The following XKR4 variants were observed in gnomAD, a reference collection of about 807,000 sequenced individuals.
The protein encoded by XKR4 is XK-related protein 4.
XKR4 carries 12 observed loss-of-function variants against 53.9 expected under a neutral mutation model. That is an observed-to-expected ratio of 0.22 (90% confidence interval 0.14 to 0.36). XKR4 has a LOEUF of 0.36. Among genes scored for constraint, XKR4 ranks in the 10% least tolerant of loss-of-function variants. The pLI is 1.00. For synonymous variants in XKR4, 354 were observed against 362.4 expected, an observed-to-expected ratio of 0.98 and a Z score of 0.26; for missense variants, 799 against 859.5, an observed-to-expected ratio of 0.93 and a Z score of 0.88.
intron 1 of XKR4, among the ~76,000 whole-genome samples, chr8:55,225,271 T>G (rs1254577004): frequency 6.6e-6 from 1 of 152,260 alleles, no homozygotes; most frequent in African/African-American, 2.4e-5. Context: ...TTTTAAAAGA[T>G]GATGACTAAC....
At chr8:55,501,194 C>T (rs1271804818) in intron 2 of XKR4, among the ~76,000 whole-genome samples, 2 of 152,128 alleles carry the variant, frequency 1.3e-5, no homozygotes, top group South Asian at 2.1e-4. Context: ...TAGTACTCAG[C>T]GACAGTGTAC....
At chr8:55,153,906 G>T (rs1462752084) in intron 1 of XKR4, among the ~76,000 whole-genome samples, 2 of 152,224 alleles carry the variant, frequency 1.3e-5, no homozygotes, top group Non-Finnish European at 2.9e-5. Context: ...CAAAGATAGA[G>T]GGGAATTGAT....
At chr8:55,273,643 C>A (rs1484820888) in intron 1 of XKR4, among the ~76,000 whole-genome samples, 3 of 152,170 alleles carry the variant, frequency 2.0e-5, no homozygotes, top group Non-Finnish European at 4.4e-5. Flanking sequence ...CTTGTGGCCC[C>A]CACCCTGGAA....
Position 55,465,331 on chromosome 8 carries a change from G to A in XKR4, c.1007-57950G>A, listed in dbSNP as rs148891973. On this transcript the variant is annotated intron_variant, in intron 2 of 2. Coordinates refer to ENST00000327381, the MANE Select transcript of XKR4 (RefSeq NM_052898.2). ...ATAACAGAGTCCCAGAAATAATGCC[G>A]CATATCTACAACCATCTGATCTTTG... 7.7e-3 allele frequency among the ~76,000 whole-genome samples: 1,176 copies of A among 152,032 alleles called. 9 individuals are homozygous for A. The highest frequency in any genetic ancestry group is 0.011 in the Non-Finnish European group (778 of 67,988).
intron 1 of XKR4, among the ~76,000 whole-genome samples, chr8:55,276,108 T>C (rs755447661): frequency 4.0e-5 from 6 of 151,822 alleles, no homozygotes; most frequent in Non-Finnish European, 8.8e-5. Flanking sequence ...CTAGAGAGAC[T>C]GAAATCGTTA....
chr8:55,247,488 T>A (rs781496926), intron 1 of XKR4, among the ~76,000 whole-genome samples: 6 of 152,306 alleles, frequency 3.9e-5, no homozygotes, highest in Middle Eastern at 6.8e-3. Context: ...AATTTACCAA[T>A]AAAGAAACTG....
Position 55,449,899 on chromosome 8 carries a change from C to A in XKR4, c.1007-73382C>A, listed in dbSNP as rs1805406282. ...GCTGGTGCTGCCGCAGGCAGCCTGG[C>A]GGGAGCCAGATGCGGTCGAGCCTCT... On this transcript the variant is annotated intron_variant, in intron 2 of 2. Coordinates refer to ENST00000327381, the MANE Select transcript of XKR4 (RefSeq NM_052898.2). 48 of 893,020 alleles carry A rather than the reference C, an allele frequency of 5.4e-5. No individual in the cohort carries two copies. The South Asian group carries it at 6.0e-4, about 11-fold the overall frequency. The allele number at this position is 893,020 out of a possible 1,614,324, so 55.3% of individuals were successfully genotyped here.
Position 55,529,552 on chromosome 8 carries a change from G to A in XKR4, c.*5325G>A, listed in dbSNP as rs1378796151. 6.6e-6 allele frequency: 1 copy of A among 152,154 alleles called. No individual in the cohort carries two copies. Among genetic ancestry groups the A allele is most frequent in the Non-Finnish European group, 1.5e-5 (1 of 68,030 alleles). 9.4% of individuals were successfully genotyped at this position (152,154 alleles called of 1,614,324 possible). ...TTTCATTTAGTCCTCACTGCCATCTGTGAGTTAAGCATCATTTACAGATGA... is the reference window on the plus strand; with the variant it reads ...TTTCATTTAGTCCTCACTGCCATCTATGAGTTAAGCATCATTTACAGATGA... On this transcript the variant is annotated 3_prime_UTR_variant, in exon 3 of 3. Transcript: ENST00000327381.
intron 2 of XKR4, among the ~76,000 whole-genome samples, chr8:55,399,615 C>T (rs571902400): frequency 2.0e-5 from 3 of 152,332 alleles, no homozygotes; most frequent in East Asian, 3.9e-4. Flanking sequence ...AGACAGGAAT[C>T]CAAGTCTGTA....
intron 2 of XKR4, among the ~76,000 whole-genome samples, chr8:55,463,770 G>A (rs1015014582): frequency 8.9e-4 from 135 of 151,900 alleles, no homozygotes; most frequent in African/African-American, 2.8e-3. Context: ...TCAAATAGAC[G>A]CAATAAAAAA....
chr8:55,486,708 T>C (rs2129401734), intron 2 of XKR4, among the ~76,000 whole-genome samples: 1 of 152,356 alleles, frequency 6.6e-6, no homozygotes, highest in Non-Finnish European at 1.5e-5. Context: ...ACAAATTTTG[T>C]AGGTATATGC....
intron 1 of XKR4, among the ~76,000 whole-genome samples, chr8:55,188,725 C>A (rs1300702960): frequency 6.6e-6 from 1 of 152,118 alleles, no homozygotes; most frequent in Admixed American, 6.6e-5. Flanking sequence ...AGATGGGTGA[C>A]AAAATCATGA....
rs1045176694 is a variant in XKR4 at position 55,398,387 on chromosome 8, T to C, written c.1006+40510T>C. Among the ~76,000 whole-genome samples, 3 of 152,352 alleles carry C rather than the reference T, an allele frequency of 2.0e-5. 1 individual carries two copies. In the South Asian group the frequency reaches 6.2e-4, roughly 32 times the overall value. ...TCTTGTTTAGATATTGGTCCAGGGT[T>C]GTCATTCTGCAGATATCATTTTATA... On this transcript the variant is annotated intron_variant, in intron 2 of 2. Transcript: ENST00000327381.
intron 2 of XKR4, among the ~76,000 whole-genome samples, chr8:55,448,777 G>A (rs969571721): frequency 3.9e-5 from 6 of 152,256 alleles, no homozygotes; most frequent in Admixed American, 6.5e-5. Flanking sequence ...CAGGGATGAA[G>A]CTAGAAACCA....
At chr8:55,431,935 C>T (rs181500903) in intron 2 of XKR4, among the ~76,000 whole-genome samples, 16 of 152,306 alleles carry the variant, frequency 1.1e-4, no homozygotes, top group Admixed American at 1.0e-3. Flanking sequence ...ATCCTGCTCA[C>T]ATAATATTAC....
intron 1 of XKR4, among the ~76,000 whole-genome samples, chr8:55,178,716 C>T (rs960738821): frequency 6.6e-6 from 1 of 152,160 alleles, no homozygotes; most frequent in African/African-American, 2.4e-5. Context: ...CTTCTTTTGA[C>T]CTCCATTTCC....
chr8:55,340,976 T>C (rs1585529118), intron 1 of XKR4, among the ~76,000 whole-genome samples: 1 of 152,052 alleles, frequency 6.6e-6, no homozygotes, highest in Non-Finnish European at 1.5e-5. Flanking sequence ...CAAGACACAG[T>C]GGGAAAATTA....
chr8:55,371,761 AC>A, intron 2 of XKR4, among the ~76,000 whole-genome samples: 1 of 152,272 alleles, frequency 6.6e-6, no homozygotes, highest in South Asian at 2.1e-4. Flanking sequence ...TCATGGTACC[AC>A]CCCAAGTTAT....
At position 55,136,976 on chromosome 8, in the gene XKR4, T is replaced by C. The variant is rs79203129; in HGVS notation, c.806+33682T>C. ...CTAATTACAATATAGCATGAATAAG[T>C]GCCTGTTATCTCTGCTGAGGACAGA... On this transcript the variant is annotated intron_variant, in intron 1 of 2. Transcript: ENST00000327381. Among the ~76,000 whole-genome samples the C allele has an allele frequency of 3.9e-3, 590 of 152,318 alleles. 7 individuals are homozygous for C. The highest frequency in any genetic ancestry group is 0.014 in the African/African-American group (568 of 41,566).
Sources: allele counts gnomAD v4.1 joint callset (sites outside exome capture counted in the v4.1 genomes callset), GRCh38; gene constraint gnomAD v4.1.1; transcripts MANE v1.5; gene names NCBI Gene and HGNC (gene_info 2026-07-23, HGNC 2026-07-21).